ETV1: variants seen among roughly 807,000 people sequenced by gnomAD.
ETV1 encodes the protein ETS translocation variant 1.
Under a neutral mutation model 62.3 loss-of-function variants are expected in ETV1, and 27 were observed. The ratio of observed to expected loss-of-function variants is 0.43; its 90% CI spans 0.32 to 0.60. The LOEUF (loss-of-function observed/expected upper bound fraction) is 0.60, where lower values mean the gene tolerates loss of function less well. Ranked by LOEUF, ETV1 falls within the 20% of genes least tolerant of loss-of-function variation. The pLI, the probability that ETV1 is intolerant of heterozygous loss-of-function variation, is 0.06. For missense variants in ETV1, 605 were observed against 605.8 expected (o/e 1.00, Z 0.01); for synonymous variants, 222 against 199.6 (o/e 1.11, Z -0.94).
At chr7:13,960,457 A>G (rs188002516) in intron 6 of ETV1, among the ~76,000 whole-genome samples, 119 of 152,306 alleles carry the variant, frequency 7.8e-4, no homozygotes, top group African/African-American at 2.8e-3. Flanking sequence ...TTTAATCATT[A>G]CATTCACCCA....
chr7:13,989,313 G>A lies in ETV1; in HGVS notation c.-133C>T. On this transcript the variant is annotated 5_prime_UTR_variant, in exon 2 of 14. Coordinates refer to ENST00000430479, the MANE Select transcript of ETV1 (RefSeq NM_004956.5). ...CAGAGTTCACAATTTACATATTTTC[G>A]GTAGTAGCAAAAATCCGAACAAGAG... is the stretch of plus-strand genomic sequence containing the variant. 2.0e-6 allele frequency: 1 copy of A among 490,486 alleles called. No homozygotes were observed. Among genetic ancestry groups the A allele is most frequent in the Non-Finnish European group, 3.6e-6 (1 of 280,244 alleles). The allele number at this position is 490,486 out of a possible 1,614,324, so 30.4% of individuals were successfully genotyped here.
rs977319524 is a variant in ETV1 at position 13,931,577 on chromosome 7, C to A, written c.727G>T (p.Gly243Cys). The change falls in exon 9 of 14, where the codon GGC becomes TGC. Residue 243 changes from glycine (G) to cysteine (C), a missense_variant. Gly to Cys is a radical substitution (Grantham distance 159, BLOSUM62 -3). Around this residue, in one of 3 missense-constraint regions of ETV1, gnomAD observed 426 missense variants for 377.8 expected, o/e 1.13. Coordinates refer to ENST00000430479, the MANE Select transcript of ETV1 (RefSeq NM_004956.5). ...DPVYEHNTMV[G>C]SAASQSFPPP... is the part of the protein sequence containing the mutation. ...GGAAAGCTTTGGCTGGCCGCACTGC[C>A]AACCATGGTGTTGTGTTCATACACT... The A allele has an allele frequency of 6.2e-7, 1 of 1,613,920 alleles. No individual in the cohort carries two copies. The highest frequency in any genetic ancestry group is 8.5e-7 in the Non-Finnish European group (1 of 1,179,908).
At chr7:13,917,481 C>T (rs1214707528) in intron 9 of ETV1, among the ~76,000 whole-genome samples, 1 of 151,826 alleles carries the variant, frequency 6.6e-6, no homozygotes, top group Non-Finnish European at 1.5e-5. Flanking sequence ...CCATGCCCTG[C>T]TAATTTTGTA....
At chr7:13,963,326 A>G (rs1790403285) in intron 6 of ETV1, among the ~76,000 whole-genome samples, 1 of 152,158 alleles carries the variant, frequency 6.6e-6, no homozygotes, top group Admixed American at 6.6e-5. Context: ...AATTTAACCA[A>G]CAGGACAAGC....
At chr7:13,907,030 C>G (rs1783045129) in intron 11 of ETV1, among the ~76,000 whole-genome samples, 1 of 152,244 alleles carries the variant, frequency 6.6e-6, no homozygotes, top group South Asian at 2.1e-4. Flanking sequence ...TTGATTCATA[C>G]AAATTAAATT....
rs1296693133 is a variant in ETV1, at chr7:13,931,576, C to T, written c.728G>A (p.Gly243Asp). The change falls in exon 9 of 14, where the codon GGC becomes GAC. Residue 243 changes from glycine (G) to aspartate (D), a missense_variant. By Grantham distance (94) the Gly-to-Asp change is moderately conservative. This residue lies in a region of ETV1 where 426 missense variants were observed against 377.8 expected (regional missense o/e 1.13). Coordinates refer to ENST00000430479, the MANE Select transcript of ETV1 (RefSeq NM_004956.5). The part of the protein sequence containing the change: ...DPVYEHNTMV[G>D]SAASQSFPPP... ...GGGAAAGCTTTGGCTGGCCGCACTGCCAACCATGGTGTTGTGTTCATACAC... is the reference window on the plus strand; with the variant it reads ...GGGAAAGCTTTGGCTGGCCGCACTGTCAACCATGGTGTTGTGTTCATACAC... The T allele has an allele frequency of 6.2e-7, 1 of 1,614,018 alleles. No individual in the cohort carries two copies. The highest frequency in any genetic ancestry group is 8.5e-7 in the Non-Finnish European group (1 of 1,179,892).
intron 6 of ETV1, among the ~76,000 whole-genome samples, chr7:13,945,808 A>G (rs1788094826): frequency 6.6e-6 from 1 of 152,202 alleles, no homozygotes; most frequent in African/African-American, 2.4e-5. Context: ...AAAGCAGCAC[A>G]TTCATTTTGT....
intron 6 of ETV1, among the ~76,000 whole-genome samples, chr7:13,946,629 C>A (rs902435365): frequency 2.0e-5 from 3 of 152,062 alleles, no homozygotes; most frequent in Non-Finnish European, 4.4e-5. Context: ...TATTATTCTA[C>A]CAGAGGATAG....
intron 8 of ETV1, among the ~76,000 whole-genome samples, chr7:13,932,069 C>CACAA (rs1420029258): frequency 6.6e-6 from 1 of 151,392 alleles, no homozygotes; most frequent in Non-Finnish European, 1.5e-5. Context: ...CACACACACA[C>CACAA]AACGATTAAT....
intron 6 of ETV1, among the ~76,000 whole-genome samples, chr7:13,963,088 A>C (rs933845038): frequency 6.6e-6 from 1 of 152,160 alleles, no homozygotes; most frequent in Non-Finnish European, 1.5e-5. Flanking sequence ...CTAAAACTGT[A>C]TGAGCTTTGT....
At chr7:13,896,752 G>GAAAGAAAGAAAA in intron 13 of ETV1, among the ~76,000 whole-genome samples, 1 of 94,724 alleles carries the variant, frequency 1.1e-5, no homozygotes, top group South Asian at 3.1e-4. Context: ...AGGAAAGAAA[G>GAAAGAAAGAAAA]AAAGAAAGAA....
At chr7:13,940,985 T>G (rs1191971134) in intron 6 of ETV1, among the ~76,000 whole-genome samples, 1 of 152,184 alleles carries the variant, frequency 6.6e-6, no homozygotes, top group Non-Finnish European at 1.5e-5. Flanking sequence ...TAATTACCCT[T>G]GGTACACTAT....
At position 13,946,623 on chromosome 7, in the gene ETV1, A is replaced by C. The variant is rs76456670; in HGVS notation, c.236-7377T>G. On this transcript the variant is annotated intron_variant, in intron 6 of 13. Transcript: ENST00000430479. ...AAGAGGGCACAATCTTGTCATTATT[A>C]TTCTACCAGAGGATAGAAATGCCCT... 2.7e-3 allele frequency among the ~76,000 whole-genome samples: 410 copies of C among 152,302 alleles called. 6 individuals are homozygous for C. In the East Asian group the frequency reaches 0.032, roughly 12 times the overall value.
chr7:13,986,332 C>A (rs1782548496), intron 5 of ETV1: 8 of 1,491,302 alleles, frequency 5.4e-6, no homozygotes, highest in Non-Finnish European at 7.1e-6. Flanking sequence ...TAAACCTGAT[C>A]AATTGCAATT....
chr7:13,906,639 C>T (rs749878804), intron 11 of ETV1, 40 bp from the exon 12 acceptor site: 19 of 1,415,912 alleles, frequency 1.3e-5, no homozygotes, highest in Non-Finnish European at 1.5e-5. Flanking sequence ...ATTAGCAATA[C>T]TATGCTATCT....
intron 6 of ETV1, among the ~76,000 whole-genome samples, chr7:13,966,620 C>G (rs1028795497): frequency 1.3e-5 from 2 of 152,102 alleles, no homozygotes; most frequent in Non-Finnish European, 2.9e-5. Flanking sequence ...GCACTCCAGA[C>G]TGGGCGACAG....
intron 9 of ETV1, among the ~76,000 whole-genome samples, chr7:13,928,324 A>G (rs1029368624): frequency 1.3e-5 from 2 of 152,232 alleles, no homozygotes; most frequent in Non-Finnish European, 2.9e-5. Context: ...AGAATCAAGA[A>G]AACAGTTTCA....
intron 9 of ETV1, among the ~76,000 whole-genome samples, chr7:13,924,708 GA>G (rs1785213049): frequency 6.6e-6 from 1 of 152,106 alleles, no homozygotes; most frequent in Non-Finnish European, 1.5e-5. Flanking sequence ...CTAAGAATTA[GA>G]AAATCCTAAT....
At chr7:13,929,488 G>A (rs1234395259) in intron 9 of ETV1, among the ~76,000 whole-genome samples, 1 of 152,158 alleles carries the variant, frequency 6.6e-6, no homozygotes, top group South Asian at 2.1e-4. Context: ...GTGGTATGGA[G>A]AGAGCTAGTA....
Sources: allele counts gnomAD v4.1 joint callset (sites outside exome capture counted in the v4.1 genomes callset), GRCh38; gene constraint gnomAD v4.1.1; regional missense constraint gnomAD v4.1.1; transcripts MANE v1.5; gene names NCBI Gene and HGNC (gene_info 2026-07-23, HGNC 2026-07-21).